The following WWOX variants were observed in gnomAD, a reference collection of about 807,000 sequenced individuals.
WWOX encodes WW domain containing oxidoreductase, also known as WW domain-containing oxidoreductase.
Under a neutral mutation model 46.2 loss-of-function variants are expected in WWOX, and 69 were observed. The ratio of observed to expected loss-of-function variants is 1.49; its 90% CI spans 1.23 to 1.82. The LOEUF (loss-of-function observed/expected upper bound fraction) is 1.82. WWOX is among the 40% of genes most tolerant of loss of function. The pLI, the probability that WWOX is intolerant of heterozygous loss-of-function variation, is 0.00. For synonymous variants in WWOX, 359 were observed against 202.6 expected (o/e 1.77, Z -6.56); for missense variants, 919 against 542.6 (o/e 1.69, Z -6.89).
intron 8 of WWOX, among the ~76,000 whole-genome samples, chr16:78,760,859 T>C (rs1406616008): frequency 3.3e-5 from 5 of 152,152 alleles, no homozygotes; most frequent in South Asian, 4.1e-4. Flanking sequence ...CATTTCCCCA[T>C]GTCTGGGGAG....
At chr16:79,013,239 C>G (rs954344997) in intron 8 of WWOX, among the ~76,000 whole-genome samples, 4 of 152,134 alleles carry the variant, frequency 2.6e-5, no homozygotes, top group African/African-American at 9.7e-5. Context: ...CATCCTCCCA[C>G]AGGGTCGAGA....
chr16:78,634,342 T>C (rs1183680274), intron 8 of WWOX, among the ~76,000 whole-genome samples: 5 of 152,198 alleles, frequency 3.3e-5, no homozygotes, highest in Non-Finnish European at 7.3e-5. Flanking sequence ...GTCATCCTTA[T>C]CTCTTTCACT....
At chr16:78,266,491 C>G (rs759328324) in intron 5 of WWOX, among the ~76,000 whole-genome samples, 1 of 152,142 alleles carries the variant, frequency 6.6e-6, no homozygotes, top group Non-Finnish European at 1.5e-5. Context: ...CCACGTCTGC[C>G]TTTGTTCTTC....
At chr16:78,951,944 C>G (rs919372606) in intron 8 of WWOX, among the ~76,000 whole-genome samples, 1 of 152,186 alleles carries the variant, frequency 6.6e-6, no homozygotes, top group Admixed American at 6.5e-5. Context: ...TATTTTTAAA[C>G]TGTAGCAAAG....
rs574517795 is a variant in WWOX at position 79,131,646 on chromosome 16, C to G, written c.1057-79962C>G. Among the ~76,000 whole-genome samples, 532 of 152,268 alleles carry G rather than the reference C, an allele frequency of 3.5e-3. 2 individuals are homozygous for G. The highest frequency in any genetic ancestry group is 0.014 in the South Asian group (67 of 4,830). On this transcript the variant is annotated intron_variant, in intron 8 of 8. Transcript: ENST00000566780. ...AAGGATATATATTGAGGCTTTATCT[C>G]TGCCATGGTGTCAGCATCAGTGAAT...
chr16:78,994,924 A>C (rs1486076189), intron 8 of WWOX, among the ~76,000 whole-genome samples: 1 of 145,178 alleles, frequency 6.9e-6, no homozygotes, highest in East Asian at 2.1e-4. Context: ...AGGGCAAATG[A>C]GGTGCAAGCC....
intron 5 of WWOX, among the ~76,000 whole-genome samples, chr16:78,292,625 T>A (rs1202587273): frequency 6.6e-6 from 1 of 152,048 alleles, no homozygotes; most frequent in East Asian, 1.9e-4. Context: ...ATCTTTTTTT[T>A]TTAAAAAAAA....
At chr16:78,746,145 A>G (rs1166498848) in intron 8 of WWOX, among the ~76,000 whole-genome samples, 3 of 152,148 alleles carry the variant, frequency 2.0e-5, no homozygotes, top group Non-Finnish European at 2.9e-5. Context: ...ATGATGAACC[A>G]TGGGTGGTTT....
chr16:78,380,021 A>C (rs924878715), intron 5 of WWOX, among the ~76,000 whole-genome samples: 3 of 152,188 alleles, frequency 2.0e-5, no homozygotes, highest in African/African-American at 4.8e-5. Flanking sequence ...AGTCCTGTAA[A>C]TGTTTTCTCC....
At chr16:79,029,386 C>T (rs965077483) in intron 8 of WWOX, among the ~76,000 whole-genome samples, 2 of 152,160 alleles carry the variant, frequency 1.3e-5, no homozygotes, top group Non-Finnish European at 2.9e-5. Flanking sequence ...ACACAGTAAA[C>T]CCATCATGTC....
intron 4 of WWOX, among the ~76,000 whole-genome samples, chr16:78,159,383 A>G (rs2034709184): frequency 6.6e-6 from 1 of 151,454 alleles, no homozygotes; most frequent in South Asian, 2.1e-4. Context: ...TTTTTGAGGA[A>G]CCTCCATACT....
chr16:78,774,261 C>T (rs904979396), intron 8 of WWOX, among the ~76,000 whole-genome samples: 2 of 151,980 alleles, frequency 1.3e-5, no homozygotes, highest in African/African-American at 4.8e-5. Flanking sequence ...ATTAGCTGGG[C>T]GTGGTAGCAG....
chr16:78,849,502 AG>A (rs766602458), intron 8 of WWOX, among the ~76,000 whole-genome samples: 3 of 135,888 alleles, frequency 2.2e-5, no homozygotes, highest in Non-Finnish European at 4.6e-5. Context: ...TGAACCCGGG[AG>A]GCGGAGCTTG....
intron 8 of WWOX, among the ~76,000 whole-genome samples, chr16:78,838,337 C>G (rs1222112057): frequency 1.3e-5 from 2 of 152,276 alleles, no homozygotes; most frequent in East Asian, 3.9e-4. Context: ...GAGCTGACTT[C>G]AGAGGAGGCT....
intron 5 of WWOX, among the ~76,000 whole-genome samples, chr16:78,292,795 A>G (rs1246900592): frequency 2.6e-5 from 4 of 152,164 alleles, no homozygotes; most frequent in Non-Finnish European, 4.4e-5. Context: ...CACAGATCTT[A>G]TTTGTAGAGC....
chr16:78,757,446 G>A (rs2049682664), intron 8 of WWOX, among the ~76,000 whole-genome samples: 1 of 152,098 alleles, frequency 6.6e-6, no homozygotes, highest in South Asian at 2.1e-4. Flanking sequence ...ATCAGTTAGT[G>A]GTGTGATGTG....
chr16:78,880,359 C>G (rs1051567609), intron 8 of WWOX, among the ~76,000 whole-genome samples: 1 of 152,176 alleles, frequency 6.6e-6, no homozygotes, highest in Non-Finnish European at 1.5e-5. Flanking sequence ...TTTTAGCATC[C>G]TGTTTTCTTT....
chr16:78,634,836 G>T (rs1217042487), intron 8 of WWOX, among the ~76,000 whole-genome samples: 1 of 91,660 alleles, frequency 1.1e-5, no homozygotes, highest in Non-Finnish European at 2.3e-5. Flanking sequence ...GAGAGAGAGA[G>T]AGTGTGTGTG....
intron 8 of WWOX, among the ~76,000 whole-genome samples, chr16:78,847,772 T>TA (rs540806030): frequency 0.021 from 3,024 of 146,478 alleles, 79 homozygotes; most frequent in African/African-American, 0.067. Context: ...GTAGCTTGTT[T>TA]AAAAAAAAAA....
Sources: allele counts gnomAD v4.1 joint callset (sites outside exome capture counted in the v4.1 genomes callset), GRCh38; gene constraint gnomAD v4.1.1; transcripts MANE v1.5; gene names NCBI Gene and HGNC (gene_info 2026-07-23, HGNC 2026-07-21).